FGD4: variants seen among roughly 807,000 people sequenced by gnomAD.
The protein encoded by FGD4 is FYVE, RhoGEF and PH domain-containing protein 4.
Under a neutral mutation model 102.0 loss-of-function variants are expected in FGD4, and 42 were observed. The observed-to-expected ratio is 0.41, with a 90% CI of 0.32 to 0.53. The LOEUF is 0.53. Among genes scored for constraint, FGD4 ranks in the 20% least tolerant of loss-of-function variants. The probability of loss-of-function intolerance (pLI) is 0.21; values close to 1 mark genes in which losing one functional copy is unlikely to be tolerated. For missense variants in FGD4, 902 were observed against 1,078.2 expected, an observed-to-expected ratio of 0.84 and a Z score of 2.29; for synonymous variants, 380 against 375.7, an observed-to-expected ratio of 1.01 and a Z score of -0.13.
chr12:32,450,176 C>T (rs572752859), intron 1 of FGD4, among the ~76,000 whole-genome samples: 3 of 152,124 alleles, frequency 2.0e-5, no homozygotes, highest in Admixed American at 2.0e-4. Context: ...CGTGATCTGC[C>T]TGCCTCAGCC....
intron 1 of FGD4, among the ~76,000 whole-genome samples, chr12:32,538,848 TC>T (rs112596509): frequency 6.1e-4 from 93 of 152,058 alleles, no homozygotes; most frequent in African/African-American, 2.1e-3. Flanking sequence ...GGTCAGAAGA[TC>T]CGAGACCATC....
intron 8 of FGD4, among the ~76,000 whole-genome samples, 166 bp from the exon 9 acceptor site, chr12:32,610,610 G>A (rs932505503): frequency 3.3e-5 from 5 of 152,168 alleles, no homozygotes; most frequent in Non-Finnish European, 7.4e-5. Context: ...CAAGTAATCT[G>A]CTTACAAATG....
intron 1 of FGD4, among the ~76,000 whole-genome samples, chr12:32,448,919 A>C (rs1440637786): frequency 6.6e-6 from 1 of 152,202 alleles, no homozygotes; most frequent in Non-Finnish European, 1.5e-5. Flanking sequence ...AATACATTAA[A>C]TAATAAATAA....
intron 1 of FGD4, among the ~76,000 whole-genome samples, chr12:32,496,323 C>T (rs891695217): frequency 3.9e-5 from 6 of 152,134 alleles, no homozygotes; most frequent in Non-Finnish European, 8.8e-5. Context: ...ACCAAAAATA[C>T]GAAGAGAAGG....
At chr12:32,594,358 A>G (rs938895672) in intron 4 of FGD4, among the ~76,000 whole-genome samples, 1 of 152,164 alleles carries the variant, frequency 6.6e-6, no homozygotes, top group Non-Finnish European at 1.5e-5. Flanking sequence ...ATGAGAATCT[A>G]ATGACCGATG....
chr12:32,444,848 C>T (rs1213640507), intron 1 of FGD4, among the ~76,000 whole-genome samples: 6 of 152,038 alleles, frequency 3.9e-5, no homozygotes, highest in African/African-American at 1.2e-4. Context: ...GTAGACACGC[C>T]GTTCCAAATT....
chr12:32,436,473 G>A (rs1500874), intron 1 of FGD4, among the ~76,000 whole-genome samples: 59,708 of 151,998 alleles, frequency 0.39, 12,300 homozygotes, highest in African/African-American at 0.5. Context: ...ATAAAAGACT[G>A]CACAGTGTCC....
At chr12:32,528,230 C>T (rs1941452784) in intron 1 of FGD4, among the ~76,000 whole-genome samples, 1 of 152,214 alleles carries the variant, frequency 6.6e-6, no homozygotes, top group African/African-American at 2.4e-5. Flanking sequence ...AGCCACCGCA[C>T]TGGGCTAGTA....
intron 1 of FGD4, among the ~76,000 whole-genome samples, chr12:32,440,121 ATC>A: frequency 6.6e-6 from 1 of 152,140 alleles, no homozygotes; most frequent in South Asian, 2.1e-4. Flanking sequence ...AAGGTCACAT[ATC>A]TCTGTTTTTC....
intron 1 of FGD4, among the ~76,000 whole-genome samples, chr12:32,503,654 T>C (rs1174648179): frequency 6.6e-6 from 1 of 152,238 alleles, no homozygotes; most frequent in Admixed American, 6.5e-5. Flanking sequence ...TTTAGCTACA[T>C]ACTAGCTCTA....
At chr12:32,521,258 TC>T (rs1305531189) in intron 1 of FGD4, among the ~76,000 whole-genome samples, 1 of 150,524 alleles carries the variant, frequency 6.6e-6, no homozygotes, top group African/African-American at 2.4e-5. Flanking sequence ...TGCCTCTAAT[TC>T]CAGCTACTCG....
chr12:32,619,038 T>C lies in FGD4; in HGVS notation c.1750-660T>C, dbSNP rs377616878. ...GATACATCAATGAGAAATTCTTGTG[T>C]TTAAGAACTTACAAAGTTAAGAAAT... On this transcript the variant is annotated intron_variant, in intron 10 of 16. Coordinates refer to ENST00000534526, the MANE Select transcript of FGD4 (RefSeq NM_001370298.3). Among the ~76,000 whole-genome samples the C allele has an allele frequency of 7.2e-5, 11 of 152,344 alleles. 2 individuals carry two copies. Among genetic ancestry groups the C allele is most frequent in the Admixed American group, 1.3e-4 (2 of 15,306 alleles).
rs535576918 is a variant in FGD4 at position 32,605,008 on chromosome 12, G to A, written c.1404+2691G>A. ...GGCTGGAGTGCAGTGGTATGATCTC[G>A]GCTCACTGTAACCTCTGCCTCCTGG... On this transcript the variant is annotated intron_variant, in intron 7 of 16. Coordinates refer to ENST00000534526, the MANE Select transcript of FGD4 (RefSeq NM_001370298.3). 1.4e-4 allele frequency among the ~76,000 whole-genome samples: 18 copies of A among 131,006 alleles called. 1 individual carries two copies. Among genetic ancestry groups the A allele is most frequent in the African/African-American group, 5.1e-4 (17 of 33,142 alleles). 85.9% of individuals were successfully genotyped at this position (131,006 alleles called of 152,430 possible).
chr12:32,485,684 C>T (rs1943877064), intron 1 of FGD4, among the ~76,000 whole-genome samples: 1 of 151,874 alleles, frequency 6.6e-6, no homozygotes, highest in Non-Finnish European at 1.5e-5. Context: ...GACCTCGTGA[C>T]CCACCCGCCT....
At chr12:32,473,330 A>G (rs1281868054) in intron 1 of FGD4, among the ~76,000 whole-genome samples, 1 of 151,034 alleles carries the variant, frequency 6.6e-6, no homozygotes, top group Non-Finnish European at 1.5e-5. Flanking sequence ...TTTTGGGTCC[A>G]TGCTGCTTTT....
chr12:32,577,312 T>C (rs576425089), intron 3 of FGD4, among the ~76,000 whole-genome samples: 1 of 152,348 alleles, frequency 6.6e-6, no homozygotes, highest in South Asian at 2.1e-4. Context: ...TAACTTCAAT[T>C]TCATCCTTGA....
intron 1 of FGD4, among the ~76,000 whole-genome samples, chr12:32,529,492 G>A (rs1941584429): frequency 6.6e-6 from 1 of 151,866 alleles, no homozygotes. Flanking sequence ...CATTTACTAG[G>A]AATAATTTTC....
At chr12:32,550,459 C>G (rs1389336130) in intron 1 of FGD4, among the ~76,000 whole-genome samples, 5 of 151,900 alleles carry the variant, frequency 3.3e-5, no homozygotes. Flanking sequence ...CGCTTGAGCC[C>G]AAGAGTTCGA....
intron 1 of FGD4, among the ~76,000 whole-genome samples, chr12:32,456,575 T>G (rs998050367): frequency 5.3e-5 from 8 of 152,184 alleles, no homozygotes; most frequent in African/African-American, 1.9e-4. Context: ...TCCATAATCT[T>G]ATTAATGAGA....
Sources: allele counts gnomAD v4.1 joint callset (sites outside exome capture counted in the v4.1 genomes callset), GRCh38; gene constraint gnomAD v4.1.1; transcripts MANE v1.5; gene names NCBI Gene and HGNC (gene_info 2026-07-23, HGNC 2026-07-21).